Variants in AFG2A observed in about 807,000 individuals in gnomAD.
The protein encoded by AFG2A is ATPase family gene 2 protein homolog A.
At chr4:122,935,177 C>G in the AFG2A span, among the ~76,000 whole-genome samples, 1 of 152,120 alleles carries the variant, frequency 6.6e-6, no homozygotes, top group East Asian at 1.9e-4. Context: ...ATTGTTATTG[C>G]CAAGATCCTT....
At chr4:123,197,388 A>C in the AFG2A span, among the ~76,000 whole-genome samples, 918 of 152,336 alleles carry the variant, frequency 6.0e-3, 11 homozygotes, top group African/African-American at 0.02. Flanking sequence ...AAAAACAAAT[A>C]AGATTTTTTA....
At chr4:123,095,668 G>A in the AFG2A span, among the ~76,000 whole-genome samples, 5 of 150,768 alleles carry the variant, frequency 3.3e-5, no homozygotes, top group East Asian at 2.0e-4. Flanking sequence ...AAGAGGCGAC[G>A]AAGAGTTAAA....
At chr4:123,056,979 C>T in the AFG2A span, among the ~76,000 whole-genome samples, 4 of 152,232 alleles carry the variant, frequency 2.6e-5, no homozygotes, top group Non-Finnish European at 5.9e-5. Context: ...GCCTCCTTCA[C>T]ACCTATGTGA....
chr4:123,190,518 A>G, the AFG2A span, among the ~76,000 whole-genome samples: 2 of 152,206 alleles, frequency 1.3e-5, no homozygotes, highest in Non-Finnish European at 2.9e-5. Flanking sequence ...TTTCCTGTGC[A>G]TATTTAATCG....
chr4:122,935,225 C>T, the AFG2A span, among the ~76,000 whole-genome samples: 2,076 of 152,140 alleles, frequency 0.014, 49 homozygotes, highest in African/African-American at 0.047. Flanking sequence ...CTGCTTTTTT[C>T]CTTTCTCATA....
the AFG2A span, among the ~76,000 whole-genome samples, chr4:122,948,295 C>T: frequency 5.3e-5 from 8 of 151,526 alleles, no homozygotes; most frequent in African/African-American, 1.9e-4. Context: ...CGGGCTTGAG[C>T]AGTCCTTAGA....
At chr4:123,142,035 C>T in the AFG2A span, among the ~76,000 whole-genome samples, 1 of 152,078 alleles carries the variant, frequency 6.6e-6, no homozygotes, top group Non-Finnish European at 1.5e-5. Context: ...TGATGTTTTC[C>T]TCCTTTCTTT....
the AFG2A span, among the ~76,000 whole-genome samples, chr4:123,134,281 A>G: frequency 2.6e-5 from 4 of 152,134 alleles, no homozygotes; most frequent in Admixed American, 2.6e-4. Context: ...TGATTCATGT[A>G]TAAGGGGTGA....
At chr4:123,002,539 T>C in the AFG2A span, among the ~76,000 whole-genome samples, 1 of 152,010 alleles carries the variant, frequency 6.6e-6, no homozygotes, top group Non-Finnish European at 1.5e-5. Flanking sequence ...GTCTGTAAAG[T>C]GTTTTATTTC....
At chr4:122,974,704 G>A in the AFG2A span, among the ~76,000 whole-genome samples, 3 of 151,926 alleles carry the variant, frequency 2.0e-5, no homozygotes, top group Non-Finnish European at 2.9e-5. Context: ...GCAATGGTGC[G>A]ATCTCGGCTC....
the AFG2A span, among the ~76,000 whole-genome samples, chr4:123,248,323 A>G: frequency 6.6e-6 from 1 of 152,158 alleles, no homozygotes; most frequent in African/African-American, 2.4e-5. Flanking sequence ...TGCTTATTTT[A>G]TTAGTCTCTA....
the AFG2A span, among the ~76,000 whole-genome samples, chr4:123,123,836 C>T: frequency 2.0e-5 from 3 of 150,174 alleles, no homozygotes; most frequent in African/African-American, 7.3e-5. Context: ...CCTGTAGTCC[C>T]AGCTACACGG....
At chr4:123,142,472 G>A in the AFG2A span, among the ~76,000 whole-genome samples, 3 of 152,002 alleles carry the variant, frequency 2.0e-5, no homozygotes, top group Non-Finnish European at 4.4e-5. Context: ...ACTAACATTT[G>A]GATAAAGCAG....
At chr4:123,019,427 G>T in the AFG2A span, among the ~76,000 whole-genome samples, 1 of 152,086 alleles carries the variant, frequency 6.6e-6, no homozygotes, top group Middle Eastern at 3.2e-3. Flanking sequence ...ATTTGGAGAG[G>T]CTAGAAGGTC....
chr4:122,976,728 C>T, the AFG2A span, among the ~76,000 whole-genome samples: 2 of 152,158 alleles, frequency 1.3e-5, no homozygotes, highest in South Asian at 4.1e-4. Flanking sequence ...CAACTGCCAC[C>T]TGAATGTTTG....
the AFG2A span, among the ~76,000 whole-genome samples, chr4:123,011,658 G>C: frequency 6.6e-6 from 1 of 152,148 alleles, no homozygotes; most frequent in African/African-American, 2.4e-5. Flanking sequence ...AGTTTATATT[G>C]GGGTCAAGCG....
At chr4:122,935,972 T>A in the AFG2A span, 7 of 1,309,060 alleles carry the variant, frequency 5.3e-6, no homozygotes, top group Non-Finnish European at 7.1e-6. Flanking sequence ...TAATAAAAAT[T>A]GTTTGGAAAA....
the AFG2A span, among the ~76,000 whole-genome samples, chr4:123,236,693 A>G: frequency 1.3e-5 from 2 of 152,182 alleles, no homozygotes; most frequent in African/African-American, 2.4e-5. Context: ...ACGTTCACCT[A>G]TGAGGCTTTT....
chr4:123,163,846 C>T, the AFG2A span, among the ~76,000 whole-genome samples: 2 of 152,180 alleles, frequency 1.3e-5, no homozygotes, highest in Admixed American at 1.3e-4. Context: ...GTTTAAGTGA[C>T]TAATGTCCAG....
Sources: allele counts gnomAD v4.1 joint callset (sites outside exome capture counted in the v4.1 genomes callset), GRCh38; gene constraint gnomAD v4.1.1; transcripts MANE v1.5; gene names NCBI Gene and HGNC (gene_info 2026-07-23, HGNC 2026-07-21).